The following MARCHF4 variants were observed in gnomAD, a reference collection of about 807,000 sequenced individuals.
The protein encoded by MARCHF4 is membrane associated ring-CH-type finger 4.
In MARCHF4, 14 loss-of-function variants were observed where a neutral mutation model predicts 43.9. That is an observed-to-expected ratio of 0.32 (90% CI 0.21 to 0.50). The LOEUF (loss-of-function observed/expected upper bound fraction) is 0.50, where lower values mean the gene tolerates loss of function less well. MARCHF4 is among the 20% of genes least tolerant of loss of function. The probability of loss-of-function intolerance (pLI) is 0.98; values close to 1 mark genes in which losing one functional copy is unlikely to be tolerated. For synonymous variants in MARCHF4, 226 were observed against 213.3 expected (o/e 1.06, Z -0.52); for missense variants, 468 against 536.7 (o/e 0.87, Z 1.27).
rs546977440 is a variant in MARCHF4, at chr2:216,324,782, T to A, written c.517-41053A>T. On this transcript the variant is annotated intron_variant, in intron 1 of 3. Transcript: ENST00000273067. ...ATTCAACAACATTCATGCTAAAAAC[T>A]CTCAATAAATTAGGTATTGATGGGT... Among the ~76,000 whole-genome samples the A allele has an allele frequency of 1.8e-3, 211 of 114,868 alleles. 2 individuals are homozygous for A. The highest frequency in any genetic ancestry group is 8.0e-3 in the African/African-American group (196 of 24,642). The allele number at this position is 114,868 out of a possible 152,430, so 75.4% of individuals were successfully genotyped here. A position where few individuals can be genotyped will look rare whatever the true frequency, so the allele number is the denominator to read the frequency against.
chr2:216,312,276 A>G (rs1185053919), intron 1 of MARCHF4, among the ~76,000 whole-genome samples: 1 of 152,220 alleles, frequency 6.6e-6, no homozygotes, highest in Non-Finnish European at 1.5e-5. Flanking sequence ...ATGTTGCTAC[A>G]AAGAACATGA....
chr2:216,324,664 T>C (rs1340214345), intron 1 of MARCHF4, among the ~76,000 whole-genome samples: 96 of 149,290 alleles, frequency 6.4e-4, no homozygotes, highest in African/African-American at 2.1e-3. Flanking sequence ...GTTCAATATA[T>C]GCAAATCAAT....
chr2:216,267,277 TG>T (rs1323991717), intron 3 of MARCHF4, among the ~76,000 whole-genome samples: 1 of 152,158 alleles, frequency 6.6e-6, no homozygotes, highest in Non-Finnish European at 1.5e-5. Context: ...ATTTAAGAAA[TG>T]GGTCTAGGGA....
chr2:216,326,441 C>A lies in MARCHF4; in HGVS notation c.517-42712G>T, dbSNP rs1380511185. ...ATCTAGAACTAGAAATACCATTTGA[C>A]CCAGCCATCCCATTACTGGGTATAT... is the stretch of plus-strand genomic sequence containing the variant. On this transcript the variant is annotated intron_variant, in intron 1 of 3. Coordinates refer to ENST00000273067, the MANE Select transcript of MARCHF4 (RefSeq NM_020814.3). Among the ~76,000 whole-genome samples the A allele has an allele frequency of 4.0e-5, 6 of 149,534 alleles. No homozygotes were observed. The Admixed American group carries it at 4.0e-4, about 10-fold the overall frequency.
chr2:216,328,327 G>A (rs1163403707), intron 1 of MARCHF4, among the ~76,000 whole-genome samples: 1 of 152,178 alleles, frequency 6.6e-6, no homozygotes, highest in South Asian at 2.1e-4. Flanking sequence ...GCACCACCAT[G>A]CCCGGCTAAT....
intron 1 of MARCHF4, among the ~76,000 whole-genome samples, chr2:216,304,317 G>C (rs1286979455): frequency 1.3e-5 from 2 of 152,008 alleles, no homozygotes; most frequent in Non-Finnish European, 2.9e-5. Flanking sequence ...TCATCTTTCT[G>C]GTCTCTATCT....
intron 1 of MARCHF4, among the ~76,000 whole-genome samples, chr2:216,288,271 G>T (rs1326590576): frequency 1.3e-5 from 2 of 152,162 alleles, no homozygotes; most frequent in Non-Finnish European, 1.5e-5. Context: ...GGCCTGTAAG[G>T]GTTAAATGAG....
intron 3 of MARCHF4, among the ~76,000 whole-genome samples, chr2:216,276,388 A>G (rs1329709356): frequency 3.3e-5 from 5 of 152,192 alleles, no homozygotes; most frequent in African/African-American, 4.8e-5. Flanking sequence ...TAGTCCTCCA[A>G]ACCTGGGCTA....
intron 3 of MARCHF4, among the ~76,000 whole-genome samples, chr2:216,268,791 T>C (rs1328601293): frequency 6.6e-6 from 1 of 152,190 alleles, no homozygotes; most frequent in Non-Finnish European, 1.5e-5. Flanking sequence ...TTAAAAGGTT[T>C]TACAGGTAGA....
chr2:216,297,746 C>T (rs1322812756), intron 1 of MARCHF4, among the ~76,000 whole-genome samples: 2 of 152,118 alleles, frequency 1.3e-5, no homozygotes, highest in African/African-American at 2.4e-5. Flanking sequence ...GAACTCCCCA[C>T]CTCAGGTGAT....
chr2:216,310,765 C>T (rs2105956027), intron 1 of MARCHF4, among the ~76,000 whole-genome samples: 1 of 152,242 alleles, frequency 6.6e-6, no homozygotes, highest in East Asian at 1.9e-4. Context: ...TTCTTACAGT[C>T]ACGTTTTTAT....
intron 2 of MARCHF4, among the ~76,000 whole-genome samples, chr2:216,280,817 C>A (rs576284390): frequency 6.6e-6 from 1 of 152,170 alleles, no homozygotes; most frequent in African/African-American, 2.4e-5. Context: ...CTAAATTATA[C>A]AATATATGTG....
intron 3 of MARCHF4, among the ~76,000 whole-genome samples, chr2:216,273,779 G>A (rs556797543): frequency 3.3e-5 from 5 of 152,308 alleles, no homozygotes; most frequent in South Asian, 2.1e-4. Context: ...AGAAGACCAC[G>A]CTGAGCCTCC....
intron 1 of MARCHF4, among the ~76,000 whole-genome samples, chr2:216,304,278 A>T (rs555335524): frequency 2.0e-5 from 3 of 152,230 alleles, no homozygotes; most frequent in Non-Finnish European, 2.9e-5. Context: ...TAGGTATTGA[A>T]AAGGAGCATC....
chr2:216,328,184 T>A (rs1226131088), intron 1 of MARCHF4, among the ~76,000 whole-genome samples: 1 of 152,208 alleles, frequency 6.6e-6, no homozygotes, highest in East Asian at 1.9e-4. Flanking sequence ...GTTTTGGTTT[T>A]TTTTGAGACG....
intron 2 of MARCHF4, among the ~76,000 whole-genome samples, chr2:216,279,097 T>C (rs1277080291): frequency 1.3e-5 from 2 of 152,078 alleles, no homozygotes; most frequent in Non-Finnish European, 2.9e-5. Flanking sequence ...TTATCAAGGG[T>C]AAATCAGGGA....
chr2:216,304,074 T>C (rs993524572), intron 1 of MARCHF4, among the ~76,000 whole-genome samples: 8 of 152,096 alleles, frequency 5.3e-5, no homozygotes. Flanking sequence ...GGGTGAGACA[T>C]GTCATGGGGG....
At chr2:216,260,212 A>G (rs908522482) in intron 3 of MARCHF4, among the ~76,000 whole-genome samples, 12 of 152,240 alleles carry the variant, frequency 7.9e-5, no homozygotes, top group Admixed American at 7.2e-4. Flanking sequence ...TAGAGTTGGA[A>G]ACAAGTTACA....
chr2:216,312,433 CT>C (rs1056788234), intron 1 of MARCHF4, among the ~76,000 whole-genome samples: 11 of 152,034 alleles, frequency 7.2e-5, no homozygotes, highest in African/African-American at 1.2e-4. Flanking sequence ...GTACAGGTGT[CT>C]TTTTTAACAT....
Sources: gnomAD v4.1 joint callset for allele counts (sites outside exome capture counted in the v4.1 genomes callset) on GRCh38, gnomAD v4.1.1 for gene constraint, MANE v1.5 for transcripts, NCBI Gene and HGNC (gene_info 2026-07-23, HGNC 2026-07-21) for gene names.